The following DOK5 variants were observed in gnomAD, a reference collection of about 807,000 sequenced individuals.
DOK5 encodes downstream of tyrosine kinase 5.
A neutral mutation model predicts 43.3 loss-of-function variants in DOK5; 27 were observed. That is an observed-to-expected ratio of 0.62 (90% confidence interval 0.46 to 0.86). DOK5 has a LOEUF of 0.86. Ranked by LOEUF, DOK5 falls within the 40% of genes least tolerant of loss-of-function variation. The probability of loss-of-function intolerance (pLI) is 0.00; values close to 1 mark genes in which losing one functional copy is unlikely to be tolerated. For missense variants in DOK5, 373 were observed against 392.9 expected (o/e 0.95, Z 0.43); for synonymous variants, 146 against 140.1 (o/e 1.04, Z -0.30).
At chr20:54,568,360 C>T (rs1479556863) in intron 2 of DOK5, among the ~76,000 whole-genome samples, 1 of 152,200 alleles carries the variant, frequency 6.6e-6, no homozygotes, top group African/African-American at 2.4e-5. Flanking sequence ...TGTGCATAAA[C>T]ACTTAAACAT....
At chr20:54,547,244 G>A (rs1391976397) in intron 1 of DOK5, among the ~76,000 whole-genome samples, 1 of 152,046 alleles carries the variant, frequency 6.6e-6, no homozygotes, top group East Asian at 1.9e-4. Flanking sequence ...AGCGACCTGG[G>A]GGCTCTCAAA....
intron 1 of DOK5, among the ~76,000 whole-genome samples, chr20:54,542,696 A>G (rs1984206974): frequency 1.3e-5 from 2 of 152,238 alleles, no homozygotes; most frequent in African/African-American, 4.8e-5. Context: ...ATGAAAGAAG[A>G]ATGTAAAATG....
intron 2 of DOK5, among the ~76,000 whole-genome samples, chr20:54,570,687 C>CAT (rs1358880240): frequency 6.6e-6 from 1 of 151,762 alleles, no homozygotes; most frequent in East Asian, 1.9e-4. Flanking sequence ...ATGTCAGAAA[C>CAT]ATAGTTGATA....
At chr20:54,584,199 C>T (rs1985727042) in intron 2 of DOK5, among the ~76,000 whole-genome samples, 1 of 151,562 alleles carries the variant, frequency 6.6e-6, no homozygotes, top group African/African-American at 2.4e-5. Flanking sequence ...GAAATGATTA[C>T]TTTTATCATT....
intron 2 of DOK5, among the ~76,000 whole-genome samples, chr20:54,569,871 A>T (rs1472498806): frequency 2.0e-5 from 3 of 152,224 alleles, no homozygotes; most frequent in Non-Finnish European, 2.9e-5. Flanking sequence ...GGGCATGTAG[A>T]TATTTTTGGA....
chr20:54,554,794 T>C, intron 1 of DOK5, 139 bp from the exon 2 acceptor site: 1 of 610,586 alleles, frequency 1.6e-6, no homozygotes, highest in Non-Finnish European at 2.9e-6. Flanking sequence ...ATTTTGATTT[T>C]TAAAACTTTA....
At position 54,572,223 on chromosome 20, in the gene DOK5, C is replaced by T. The variant is rs148324095; in HGVS notation, c.175-16260C>T. On this transcript the variant is annotated intron_variant, in intron 2 of 7. Transcript: ENST00000262593. ...TTGCCCAGGCTGGAGTGCAGTGGCG[C>T]GATCTTGGCTCACTGCAAGCTCTGC... Among the ~76,000 whole-genome samples the T allele has an allele frequency of 9.2e-3, 1,396 of 151,400 alleles. 26 individuals are homozygous for T. The highest frequency in any genetic ancestry group is 0.03 in the African/African-American group (1,237 of 41,228).
chr20:54,566,016 CAAA>C (rs11450454), intron 2 of DOK5, among the ~76,000 whole-genome samples: 1 of 100,470 alleles, frequency 1.0e-5, no homozygotes, highest in Non-Finnish European at 2.2e-5. Context: ...GATTCCGTCT[CAAA>C]AAAAAAAAAA....
At chr20:54,540,763 A>G (rs1984131554) in intron 1 of DOK5, among the ~76,000 whole-genome samples, 1 of 152,108 alleles carries the variant, frequency 6.6e-6, no homozygotes, top group Admixed American at 6.5e-5. Context: ...GCCTCCTGCA[A>G]TTCTTCCACA....
At chr20:54,544,259 G>A (rs1010101840) in intron 1 of DOK5, among the ~76,000 whole-genome samples, 1 of 152,066 alleles carries the variant, frequency 6.6e-6, no homozygotes, top group East Asian at 1.9e-4. Context: ...CTTAGGCATA[G>A]AATCATGTTG....
intron 2 of DOK5, among the ~76,000 whole-genome samples, chr20:54,559,951 T>C (rs1474049767): frequency 1.3e-5 from 2 of 152,226 alleles, no homozygotes; most frequent in Non-Finnish European, 2.9e-5. Context: ...CCAAACACCT[T>C]TGGTCTTATT....
chr20:54,551,761 C>G (rs1388038063), intron 1 of DOK5, among the ~76,000 whole-genome samples: 4 of 152,244 alleles, frequency 2.6e-5, no homozygotes. Context: ...ATAGAATTGA[C>G]TAATTATACT....
chr20:54,573,414 G>A (rs749887359), intron 2 of DOK5, among the ~76,000 whole-genome samples: 4 of 152,068 alleles, frequency 2.6e-5, no homozygotes, highest in African/African-American at 2.4e-5. Context: ...TAGGCGAGGC[G>A]CGGTGGCTCA....
chr20:54,582,008 T>C (rs939289372), intron 2 of DOK5, among the ~76,000 whole-genome samples: 1 of 152,034 alleles, frequency 6.6e-6, no homozygotes, highest in African/African-American at 2.4e-5. Context: ...TTTTTCACCA[T>C]TGAGTATATG....
intron 1 of DOK5, among the ~76,000 whole-genome samples, chr20:54,481,417 C>G (rs1981714070): frequency 1.3e-5 from 2 of 152,154 alleles, no homozygotes; most frequent in African/African-American, 4.8e-5. Flanking sequence ...ATCCACAAGC[C>G]TCGGCCTCCT....
intron 4 of DOK5, among the ~76,000 whole-genome samples, chr20:54,590,061 AT>A (rs1198855763): frequency 6.6e-6 from 1 of 152,070 alleles, no homozygotes; most frequent in African/African-American, 2.4e-5. Context: ...ATTATGATTC[AT>A]TTTTTCACCT....
Position 54,530,199 on chromosome 20 carries a change from T to C in DOK5, c.67-24734T>C, listed in dbSNP as rs530531442. Among the ~76,000 whole-genome samples, 6 of 152,314 alleles carry C rather than the reference T, an allele frequency of 3.9e-5. No homozygotes were observed. In the East Asian group the frequency reaches 9.6e-4, roughly 24 times the overall value. On this transcript the variant is annotated intron_variant, in intron 1 of 7. Coordinates refer to ENST00000262593, the MANE Select transcript of DOK5 (RefSeq NM_018431.5). ...TTTTGTTTCTTTGTCCTTTATTTGGTGTGTGTCTATAAATCCTTTTTTACT... is the reference window on the plus strand; with the variant it reads ...TTTTGTTTCTTTGTCCTTTATTTGGCGTGTGTCTATAAATCCTTTTTTACT...
intron 1 of DOK5, among the ~76,000 whole-genome samples, chr20:54,536,676 C>A (rs77098360): frequency 0.015 from 2,274 of 152,254 alleles, 58 homozygotes; most frequent in African/African-American, 0.052. Context: ...AGTGTGGCAG[C>A]CTAGCAAGGC....
At chr20:54,494,159 T>A (rs1982300585) in intron 1 of DOK5, among the ~76,000 whole-genome samples, 1 of 152,218 alleles carries the variant, frequency 6.6e-6, no homozygotes, top group Non-Finnish European at 1.5e-5. Context: ...AATAACTATC[T>A]GTTGAATGAA....
Sources: allele counts gnomAD v4.1 joint callset (sites outside exome capture counted in the v4.1 genomes callset), GRCh38; gene constraint gnomAD v4.1.1; transcripts MANE v1.5; gene names NCBI Gene and HGNC (gene_info 2026-07-23, HGNC 2026-07-21).